Variants in ADAM18 observed in about 807,000 individuals in gnomAD.
The protein encoded by ADAM18 is ADAM metallopeptidase domain 18, also known as disintegrin and metalloproteinase domain-containing protein 18.
Under a neutral mutation model 94.4 loss-of-function variants are expected in ADAM18, and 117 were observed. That is an observed-to-expected ratio of 1.24 (90% CI 1.07 to 1.45). ADAM18 has a LOEUF of 1.45. Ranked by LOEUF, ADAM18 falls within the 40% of genes most tolerant of loss-of-function variation. The pLI is 0.00. For synonymous variants in ADAM18, 327 were observed against 291.6 expected (o/e 1.12, Z -1.24); for missense variants, 936 against 880.0 (o/e 1.06, Z -0.81).
intron 14 of ADAM18, among the ~76,000 whole-genome samples, chr8:39,672,374 G>A (rs1487751905): frequency 6.6e-6 from 1 of 152,182 alleles, no homozygotes; most frequent in Non-Finnish European, 1.5e-5. Flanking sequence ...CCAGATAGCA[G>A]TGCTTACCTA....
chr8:39,650,663 A>G (rs189376093), intron 12 of ADAM18, among the ~76,000 whole-genome samples: 6 of 152,330 alleles, frequency 3.9e-5, no homozygotes, highest in Admixed American at 3.9e-4. Flanking sequence ...AAGATAAACC[A>G]TGTTCAAGAG....
chr8:39,654,539 C>T (rs764655846), intron 12 of ADAM18, among the ~76,000 whole-genome samples: 7 of 152,082 alleles, frequency 4.6e-5, no homozygotes, highest in South Asian at 2.1e-4. Flanking sequence ...ATACTAATTT[C>T]CTCTCTTTTG....
In ADAM18 at chr8:39,715,705, A is replaced by T. The variant is rs184388471; in HGVS notation, c.2018-8043A>T. On this transcript the variant is annotated intron_variant, in intron 18 of 19. Coordinates refer to ENST00000265707, the MANE Select transcript of ADAM18 (RefSeq NM_014237.3). Reference sequence around the variant, plus strand: ...TATTTTATAATCTTTATAAAAAAACAATTCATTGAACAACACAATAAAACA... The same window carrying T: ...TATTTTATAATCTTTATAAAAAAACTATTCATTGAACAACACAATAAAACA... 2.6e-5 allele frequency among the ~76,000 whole-genome samples: 4 copies of T among 152,170 alleles called. No individual in the cohort carries two copies. The East Asian group carries it at 5.8e-4, about 22-fold the overall frequency.
intron 18 of ADAM18, among the ~76,000 whole-genome samples, chr8:39,709,059 G>C (rs996089933): frequency 6.6e-6 from 1 of 152,210 alleles, no homozygotes; most frequent in African/African-American, 2.4e-5. Context: ...CAAAGAGCCA[G>C]TGTGACAGTC....
intron 17 of ADAM18, among the ~76,000 whole-genome samples, chr8:39,694,652 C>A (rs184474243): frequency 6.6e-6 from 1 of 151,498 alleles, no homozygotes. Context: ...AAAACAAGCA[C>A]CAAGTACAGT....
intron 19 of ADAM18, among the ~76,000 whole-genome samples, chr8:39,727,876 C>T (rs1822961610): frequency 6.6e-6 from 1 of 152,072 alleles, no homozygotes; most frequent in East Asian, 1.9e-4. Context: ...TCTTGCATTG[C>T]TATAAAGAAA....
intron 7 of ADAM18, among the ~76,000 whole-genome samples, chr8:39,632,883 C>T (rs1186222762): frequency 6.6e-6 from 1 of 152,102 alleles, no homozygotes; most frequent in South Asian, 2.1e-4. Flanking sequence ...TTACTTTCTA[C>T]AAGTTAGATT....
At chr8:39,651,486 T>C (rs568713930) in intron 12 of ADAM18, among the ~76,000 whole-genome samples, 1 of 152,352 alleles carries the variant, frequency 6.6e-6, no homozygotes, top group South Asian at 2.1e-4. Flanking sequence ...ATTGTGTCTC[T>C]GGGTACTTGA....
At chr8:39,689,780 C>A (rs958961222) in intron 16 of ADAM18, among the ~76,000 whole-genome samples, 1 of 152,116 alleles carries the variant, frequency 6.6e-6, no homozygotes, top group Non-Finnish European at 1.5e-5. Context: ...CTAAAAATTG[C>A]CCTGGGCAAT....
chr8:39,694,113 T>A (rs949767682), intron 17 of ADAM18, among the ~76,000 whole-genome samples: 8 of 151,488 alleles, frequency 5.3e-5, no homozygotes, highest in African/African-American at 1.9e-4. Flanking sequence ...CATAACAGAA[T>A]ATTAAATTCA....
intron 17 of ADAM18, among the ~76,000 whole-genome samples, chr8:39,700,350 T>C (rs1416155477): frequency 6.6e-6 from 1 of 152,302 alleles, no homozygotes; most frequent in East Asian, 1.9e-4. Flanking sequence ...ATTCAGAATT[T>C]TATAGAGCTT....
chr8:39,679,912 C>T (rs1376725), intron 15 of ADAM18, 125 bp from the exon 16 acceptor site: 609,188 of 835,584 alleles, frequency 0.73, 227,696 homozygotes, highest in Non-Finnish European at 0.77. Flanking sequence ...AATAATGTTT[C>T]AGTTTGGCAT....
chr8:39,726,305 A>T (rs1206740273), intron 19 of ADAM18, among the ~76,000 whole-genome samples: 1 of 150,246 alleles, frequency 6.7e-6, no homozygotes, highest in African/African-American at 2.4e-5. Context: ...TATATATATA[A>T]TTTGTAGAGA....
intron 18 of ADAM18, among the ~76,000 whole-genome samples, chr8:39,718,153 T>A (rs1822632393): frequency 6.6e-6 from 1 of 151,540 alleles, no homozygotes; most frequent in Admixed American, 6.6e-5. Context: ...TGAAAAACAG[T>A]ATGGAGGTTC....
chr8:39,709,149 G>A (rs1258274190), intron 18 of ADAM18, among the ~76,000 whole-genome samples: 1 of 152,150 alleles, frequency 6.6e-6, no homozygotes, highest in African/African-American at 2.4e-5. Flanking sequence ...ATTGAAGTAT[G>A]GTAAATGCAG....
chr8:39,685,349 C>T (rs1821581756), intron 16 of ADAM18: 1 of 152,232 alleles, frequency 6.6e-6, no homozygotes, highest in African/African-American at 2.4e-5. Flanking sequence ...TGGAGTCATA[C>T]CCGATATGGT....
intron 12 of ADAM18, among the ~76,000 whole-genome samples, chr8:39,650,799 G>A (rs1027739035): frequency 6.6e-6 from 1 of 152,150 alleles, no homozygotes; most frequent in Non-Finnish European, 1.5e-5. Context: ...AATTTTGAAG[G>A]GGTGGCCTCC....
intron 4 of ADAM18, 65 bp downstream of exon 4, chr8:39,609,185 A>T (rs1819185921): frequency 7.3e-6 from 8 of 1,091,180 alleles, no homozygotes; most frequent in Middle Eastern, 4.2e-4. Flanking sequence ...AATGTGTTTC[A>T]TGTTGACAGT....
At chr8:39,642,653 T>C (rs757948862) in intron 10 of ADAM18, among the ~76,000 whole-genome samples, 38 of 152,136 alleles carry the variant, frequency 2.5e-4, no homozygotes, top group African/African-American at 7.2e-4. Flanking sequence ...TTTTGGTTAC[T>C]GTAGCCCTAT....
Sources: allele counts gnomAD v4.1 joint callset (sites outside exome capture counted in the v4.1 genomes callset), GRCh38; gene constraint gnomAD v4.1.1; transcripts MANE v1.5; gene names NCBI Gene and HGNC (gene_info 2026-07-23, HGNC 2026-07-21).